The following DPYD variants were observed in gnomAD, a reference collection of about 807,000 sequenced individuals.
The protein encoded by DPYD is dihydropyrimidine dehydrogenase [NADP(+)].
A neutral mutation model predicts 116.2 loss-of-function variants in DPYD; 109 were observed. The ratio of observed to expected loss-of-function variants is 0.94; its 90% CI spans 0.80 to 1.10. DPYD has a LOEUF of 1.10. Among genes scored for constraint, DPYD ranks in the 50% least tolerant of loss-of-function variants. The pLI, the probability that DPYD is intolerant of heterozygous loss-of-function variation, is 0.00. For synonymous variants in DPYD, 440 were observed against 432.0 expected, an observed-to-expected ratio of 1.02 and a Z score of -0.23; for missense variants, 1,302 against 1,254.5, an observed-to-expected ratio of 1.04 and a Z score of -0.57.
At chr1:97,630,058 G>T (rs1409341377) in intron 8 of DPYD, among the ~76,000 whole-genome samples, 2 of 151,372 alleles carry the variant, frequency 1.3e-5, no homozygotes, top group African/African-American at 4.8e-5. Context: ...CCTTTTTAAT[G>T]CTAACTAGTA....
At chr1:97,635,611 C>T (rs1487096309) in intron 8 of DPYD, among the ~76,000 whole-genome samples, 1 of 152,148 alleles carries the variant, frequency 6.6e-6, no homozygotes, top group Non-Finnish European at 1.5e-5. Flanking sequence ...TGGAATTCTT[C>T]AAGGGCAGGG....
At chr1:97,348,825 A>G (rs1312332480) in intron 16 of DPYD, among the ~76,000 whole-genome samples, 1 of 151,164 alleles carries the variant, frequency 6.6e-6, no homozygotes, top group African/African-American at 2.4e-5. Flanking sequence ...GGGAGCCAGA[A>G]GGTATGAAGG....
intron 3 of DPYD, among the ~76,000 whole-genome samples, chr1:97,778,540 T>C (rs1194852415): frequency 2.6e-5 from 4 of 152,130 alleles, no homozygotes; most frequent in African/African-American, 9.7e-5. Flanking sequence ...CCTGCCAAAA[T>C]ACTTCTGCAT....
chr1:97,372,304 C>G (rs1267874563), intron 16 of DPYD, among the ~76,000 whole-genome samples: 2 of 152,136 alleles, frequency 1.3e-5, no homozygotes, highest in African/African-American at 4.8e-5. Context: ...GAAAAGAATA[C>G]TAACTCAGCC....
At chr1:97,511,486 C>T (rs144862203) in intron 13 of DPYD, among the ~76,000 whole-genome samples, 155 of 151,970 alleles carry the variant, frequency 1.0e-3, no homozygotes, top group African/African-American at 3.3e-3. Flanking sequence ...TTTTTTCTAA[C>T]GTATTTATTT....
chr1:97,355,930 C>T (rs540019991), intron 16 of DPYD, among the ~76,000 whole-genome samples: 7 of 152,290 alleles, frequency 4.6e-5, no homozygotes, highest in Admixed American at 4.6e-4. Context: ...GATTTCAAAT[C>T]TATTGCATAA....
intron 20 of DPYD, among the ~76,000 whole-genome samples, chr1:97,183,301 A>G (rs371088243): frequency 6.6e-6 from 1 of 152,058 alleles, no homozygotes; most frequent in Admixed American, 6.6e-5. Context: ...TGAGGTAGAC[A>G]TGAGGTTTAT....
At chr1:97,516,964 G>C (rs976735282) in intron 12 of DPYD, among the ~76,000 whole-genome samples, 2 of 152,064 alleles carry the variant, frequency 1.3e-5, no homozygotes, top group Non-Finnish European at 2.9e-5. Context: ...ATTCTCTTGT[G>C]AATCATCACT....
At position 97,684,671 on chromosome 1, in the gene DPYD, T is replaced by C. The variant is rs961317976; in HGVS notation, c.763-5489A>G. ...AAAATGATAAAGGGGATATCACCAC[T>C]GAACCCACAGAAATACAAACAAGCA... On this transcript the variant is annotated intron_variant, in intron 7 of 22. Transcript: ENST00000370192. 4.0e-4 allele frequency among the ~76,000 whole-genome samples: 60 copies of C among 151,860 alleles called. 1 individual carries two copies. The highest frequency in any genetic ancestry group is 1.4e-3 in the African/African-American group (57 of 41,334).
At chr1:97,743,878 C>A (rs1168953089) in intron 3 of DPYD, among the ~76,000 whole-genome samples, 1 of 152,004 alleles carries the variant, frequency 6.6e-6, no homozygotes, top group African/African-American at 2.4e-5. Context: ...TTTTTAAATG[C>A]ATAAGCAGCA....
At chr1:97,664,224 A>G (rs1265025747) in intron 8 of DPYD, among the ~76,000 whole-genome samples, 1 of 152,132 alleles carries the variant, frequency 6.6e-6, no homozygotes, top group African/African-American at 2.4e-5. Flanking sequence ...TATTTTATCA[A>G]TGATAAAGTT....
At position 97,751,460 on chromosome 1, in the gene DPYD, G is replaced by GTGTGTGTA. The variant is rs763260651; in HGVS notation, c.234-10982_234-10981insTACACACA. Among the ~76,000 whole-genome samples, 91 of 21,274 alleles carry GTGTGTGTA rather than the reference G, an allele frequency of 4.3e-3. 3 individuals are homozygous for GTGTGTGTA. The highest frequency in any genetic ancestry group is 0.021 in the East Asian group (6 of 282). 14.0% of individuals were successfully genotyped at this position (21,274 alleles called of 152,430 possible). A position where few individuals can be genotyped will look rare whatever the true frequency, so the allele number is the denominator to read the frequency against. On this transcript the variant is annotated intron_variant, in intron 3 of 22. Coordinates refer to ENST00000370192, the MANE Select transcript of DPYD (RefSeq NM_000110.4). ...TGTGTGTGTGTGTGTGTGTGTGTGT[G>GTGTGTGTA]TATATATATATATATATATATATAT... is the stretch of plus-strand genomic sequence containing the variant.
intron 20 of DPYD, among the ~76,000 whole-genome samples, chr1:97,188,935 A>T (rs1365092882): frequency 6.6e-6 from 1 of 151,770 alleles, no homozygotes; most frequent in Non-Finnish European, 1.5e-5. Flanking sequence ...TTCACACATA[A>T]AAAGGAACTT....
chr1:97,340,906 C>T (rs1018542250), intron 16 of DPYD, among the ~76,000 whole-genome samples: 5 of 152,064 alleles, frequency 3.3e-5, no homozygotes, highest in African/African-American at 1.2e-4. Context: ...CACAAGAATA[C>T]CTTGGCAATT....
intron 18 of DPYD, among the ~76,000 whole-genome samples, chr1:97,239,369 T>C (rs1298145861): frequency 2.0e-5 from 3 of 152,170 alleles, no homozygotes; most frequent in African/African-American, 7.2e-5. Flanking sequence ...ATATTATATA[T>C]TGATATATGT....
intron 2 of DPYD, among the ~76,000 whole-genome samples, chr1:97,833,527 C>G (rs1445443857): frequency 6.6e-6 from 1 of 152,078 alleles, no homozygotes; most frequent in Non-Finnish European, 1.5e-5. Context: ...AAAATTGGCT[C>G]TAGCCTCAGA....
intron 20 of DPYD, among the ~76,000 whole-genome samples, chr1:97,155,179 T>C (rs1210041641): frequency 6.6e-6 from 1 of 152,208 alleles, no homozygotes; most frequent in Non-Finnish European, 1.5e-5. Context: ...ATATGTGGAA[T>C]GTGTGTTAAT....
At chr1:97,405,035 C>T (rs12030174) in intron 14 of DPYD, among the ~76,000 whole-genome samples, 17,734 of 151,012 alleles carry the variant, frequency 0.12, 1,356 homozygotes, top group South Asian at 0.27. Context: ...CAGATAACCC[C>T]GTACCACTTC....
At chr1:97,138,415 G>A (rs1356617673) in intron 20 of DPYD, among the ~76,000 whole-genome samples, 1 of 152,156 alleles carries the variant, frequency 6.6e-6, no homozygotes, top group East Asian at 1.9e-4. Context: ...ATACTAGGAT[G>A]TGCTGTGTTG....
Sources: gnomAD v4.1 joint callset for allele counts (sites outside exome capture counted in the v4.1 genomes callset) on GRCh38, gnomAD v4.1.1 for gene constraint, MANE v1.5 for transcripts, NCBI Gene and HGNC (gene_info 2026-07-23, HGNC 2026-07-21) for gene names.